Variants in SGCZ observed in about 807,000 individuals in gnomAD.
The protein encoded by SGCZ is sarcoglycan zeta.
A neutral mutation model predicts 41.3 loss-of-function variants in SGCZ; 40 were observed. The observed-to-expected ratio is 0.97, with a 90% CI of 0.75 to 1.26. SGCZ has a LOEUF of 1.26. Ranked by LOEUF, SGCZ falls within the 50% of genes most tolerant of loss-of-function variation. The pLI, the probability that SGCZ is intolerant of heterozygous loss-of-function variation, is 0.00. For missense variants in SGCZ, 552 were observed against 369.8 expected (o/e 1.49, Z -4.04); for synonymous variants, 206 against 137.5 (o/e 1.50, Z -3.49).
intron 1 of SGCZ, among the ~76,000 whole-genome samples, chr8:14,850,727 G>A (rs1803285480): frequency 6.6e-6 from 1 of 152,114 alleles, no homozygotes. Flanking sequence ...GAGAGACCAG[G>A]TGGAGGTAAT....
At chr8:14,725,296 G>A (rs1810013930) in intron 1 of SGCZ, among the ~76,000 whole-genome samples, 1 of 152,064 alleles carries the variant, frequency 6.6e-6, no homozygotes, top group East Asian at 1.9e-4. Flanking sequence ...CAATAAACAT[G>A]GGAATGCAGC....
chr8:14,449,243 C>T (rs183292680), intron 2 of SGCZ, among the ~76,000 whole-genome samples: 9 of 152,322 alleles, frequency 5.9e-5, no homozygotes, highest in Admixed American at 4.6e-4. Flanking sequence ...AATGAACTTA[C>T]TTGTTCTATT....
At chr8:15,074,474 T>A (rs1284566760) in intron 1 of SGCZ, among the ~76,000 whole-genome samples, 1 of 152,180 alleles carries the variant, frequency 6.6e-6, no homozygotes, top group Non-Finnish European at 1.5e-5. Context: ...TTATTCTCCT[T>A]AGTCTTTTAA....
At chr8:14,519,325 T>TA (rs1802718634) in intron 2 of SGCZ, among the ~76,000 whole-genome samples, 1 of 152,004 alleles carries the variant, frequency 6.6e-6, no homozygotes. Context: ...GCAGAAGTGA[T>TA]AAAATACATG....
intron 1 of SGCZ, among the ~76,000 whole-genome samples, chr8:14,869,533 C>G (rs557448485): frequency 6.6e-6 from 1 of 152,268 alleles, no homozygotes; most frequent in East Asian, 1.9e-4. Flanking sequence ...TGACACAAGA[C>G]AAGGACGCCC....
At chr8:14,268,698 C>T (rs1180135314) in intron 3 of SGCZ, among the ~76,000 whole-genome samples, 1 of 151,638 alleles carries the variant, frequency 6.6e-6, no homozygotes, top group East Asian at 1.9e-4. Flanking sequence ...GTTATTAGAA[C>T]ATGAGAAAAT....
At chr8:14,375,720 C>G (rs191984244) in intron 2 of SGCZ, among the ~76,000 whole-genome samples, 4 of 152,138 alleles carry the variant, frequency 2.6e-5, no homozygotes, top group Admixed American at 2.0e-4. Flanking sequence ...ATTTAAAGCA[C>G]TGAGCAAAAT....
At chr8:15,133,062 C>T (rs1315726162) in intron 1 of SGCZ, among the ~76,000 whole-genome samples, 1 of 151,982 alleles carries the variant, frequency 6.6e-6, no homozygotes, top group Non-Finnish European at 1.5e-5. Flanking sequence ...AGGATGGCTT[C>T]AGCCCAAGAG....
intron 1 of SGCZ, among the ~76,000 whole-genome samples, chr8:15,172,800 A>C (rs892822497): frequency 3.3e-5 from 5 of 152,166 alleles, no homozygotes; most frequent in African/African-American, 1.2e-4. Flanking sequence ...ATACTTTAAA[A>C]AATTATGCAA....
chr8:14,121,840 C>T (rs534911223), intron 5 of SGCZ, among the ~76,000 whole-genome samples: 26 of 152,202 alleles, frequency 1.7e-4, no homozygotes, highest in African/African-American at 6.3e-4. Flanking sequence ...AAATAAAAAG[C>T]AATCTGTCTC....
At chr8:14,799,199 C>T (rs912826755) in intron 1 of SGCZ, among the ~76,000 whole-genome samples, 1 of 151,796 alleles carries the variant, frequency 6.6e-6, no homozygotes, top group Admixed American at 6.6e-5. Flanking sequence ...ATTTAGAATC[C>T]ATTTATTTCT....
chr8:14,491,818 T>G (rs1238818584), intron 2 of SGCZ, among the ~76,000 whole-genome samples: 1 of 150,490 alleles, frequency 6.6e-6, no homozygotes. Flanking sequence ...TATATTTGAA[T>G]GAATCATGTA....
chr8:14,650,694 C>G (rs1807368798), intron 1 of SGCZ, among the ~76,000 whole-genome samples: 1 of 151,964 alleles, frequency 6.6e-6, no homozygotes, highest in Non-Finnish European at 1.5e-5. Context: ...TGGGATCAGC[C>G]TGAAATATTG....
chr8:14,394,646 C>G (rs1301960451), intron 2 of SGCZ, among the ~76,000 whole-genome samples: 1 of 151,964 alleles, frequency 6.6e-6, no homozygotes, highest in African/African-American at 2.4e-5. Flanking sequence ...GACAGTAATC[C>G]GTGGGTGAAA....
chr8:15,149,186 A>T (rs886599182), intron 1 of SGCZ, among the ~76,000 whole-genome samples: 10 of 150,660 alleles, frequency 6.6e-5, no homozygotes, highest in African/African-American at 2.4e-4. Flanking sequence ...ATTTTTTTTT[A>T]TTATTGACTA....
At chr8:14,692,010 AATTG>A in intron 1 of SGCZ, among the ~76,000 whole-genome samples, 1 of 152,096 alleles carries the variant, frequency 6.6e-6, no homozygotes, top group Non-Finnish European at 1.5e-5. Flanking sequence ...TAATTTGATC[AATTG>A]ATTGAAATAA....
intron 2 of SGCZ, among the ~76,000 whole-genome samples, chr8:14,481,315 C>T (rs924641617): frequency 6.6e-6 from 1 of 152,074 alleles, no homozygotes; most frequent in Middle Eastern, 3.4e-3. Context: ...AGTTATAGAA[C>T]AAAGGAGACT....
At chr8:14,232,116 T>C (rs1424882302) in intron 4 of SGCZ, among the ~76,000 whole-genome samples, 2 of 139,268 alleles carry the variant, frequency 1.4e-5, no homozygotes, top group African/African-American at 5.4e-5. Context: ...AATTTTCTAA[T>C]CAAACAAATC....
At chr8:15,055,427 A>C (rs1804670112) in intron 1 of SGCZ, among the ~76,000 whole-genome samples, 1 of 152,208 alleles carries the variant, frequency 6.6e-6, no homozygotes, top group South Asian at 2.1e-4. Flanking sequence ...GATGGAAAAT[A>C]TCTAGGTCCT....
Sources: allele counts gnomAD v4.1 joint callset (sites outside exome capture counted in the v4.1 genomes callset), GRCh38; gene constraint gnomAD v4.1.1; transcripts MANE v1.5; gene names NCBI Gene and HGNC (gene_info 2026-07-23, HGNC 2026-07-21).